SUGCT: variants seen among roughly 807,000 people sequenced by gnomAD.
The protein encoded by SUGCT is succinyl-CoA:glutarate CoA-transferase.
Under a neutral mutation model 55.0 loss-of-function variants are expected in SUGCT, and 41 were observed. The observed-to-expected ratio is 0.74, with a 90% CI of 0.58 to 0.97. The LOEUF is 0.97. SUGCT is among the 50% of genes least tolerant of loss of function. The pLI, the probability that SUGCT is intolerant of heterozygous loss-of-function variation, is 0.00. For synonymous variants in SUGCT, 187 were observed against 200.4 expected, an observed-to-expected ratio of 0.93 and a Z score of 0.56; for missense variants, 568 against 547.8, an observed-to-expected ratio of 1.04 and a Z score of -0.37.
At chr7:40,781,977 A>G (rs1157953403) in intron 13 of SUGCT, among the ~76,000 whole-genome samples, 1 of 152,132 alleles carries the variant, frequency 6.6e-6, no homozygotes, top group East Asian at 1.9e-4. Context: ...AAATATATCA[A>G]AATGTTAAAG....
At chr7:40,827,589 G>A (rs555715196) in intron 13 of SUGCT, among the ~76,000 whole-genome samples, 3 of 152,270 alleles carry the variant, frequency 2.0e-5, no homozygotes, top group Admixed American at 2.0e-4. Context: ...GTTAGACAAA[G>A]GAAGCTTGGC....
At chr7:40,668,404 A>G (rs993613501) in intron 12 of SUGCT, among the ~76,000 whole-genome samples, 1 of 152,148 alleles carries the variant, frequency 6.6e-6, no homozygotes, top group African/African-American at 2.4e-5. Flanking sequence ...TAACTGAAGT[A>G]TTTACCAAAA....
At chr7:40,826,505 G>T (rs1436544199) in intron 13 of SUGCT, among the ~76,000 whole-genome samples, 2 of 152,202 alleles carry the variant, frequency 1.3e-5, no homozygotes, top group African/African-American at 4.8e-5. Context: ...GGAGTAATCT[G>T]TGGAAGGTAT....
chr7:40,321,564 G>A (rs764182020), intron 9 of SUGCT, among the ~76,000 whole-genome samples: 61 of 151,420 alleles, frequency 4.0e-4, no homozygotes, highest in Admixed American at 5.3e-4. Flanking sequence ...TGTATTTTTA[G>A]TAGAGACGGG....
the SUGCT span, among the ~76,000 whole-genome samples, chr7:41,027,049 T>TA: frequency 1.3e-5 from 2 of 151,404 alleles, no homozygotes; most frequent in East Asian, 1.9e-4. Context: ...GTTTCATACT[T>TA]AAAAAAAAAG....
At chr7:40,502,990 T>C (rs1338486941) in intron 12 of SUGCT, among the ~76,000 whole-genome samples, 2 of 152,110 alleles carry the variant, frequency 1.3e-5, no homozygotes, top group African/African-American at 2.4e-5. Context: ...AAATTTGTAT[T>C]GGAAGGAAAA....
At chr7:40,618,142 C>A (rs1799099355) in intron 12 of SUGCT, among the ~76,000 whole-genome samples, 1 of 152,134 alleles carries the variant, frequency 6.6e-6, no homozygotes, top group Non-Finnish European at 1.5e-5. Context: ...TTTATTACTG[C>A]TATCTTTCTT....
intron 5 of SUGCT, 96 bp downstream of exon 5, chr7:40,189,690 T>C: frequency 1.9e-6 from 1 of 519,336 alleles, no homozygotes; most frequent in Middle Eastern, 3.2e-4. Flanking sequence ...ATTTTATGGG[T>C]GATCTGTACG....
intron 9 of SUGCT, among the ~76,000 whole-genome samples, chr7:40,335,882 G>T (rs1219069327): frequency 1.3e-5 from 2 of 152,098 alleles, no homozygotes; most frequent in Non-Finnish European, 2.9e-5. Flanking sequence ...TTGGCTGTGG[G>T]TTTGTCATAA....
intron 12 of SUGCT, among the ~76,000 whole-genome samples, chr7:40,536,716 C>A (rs979859317): frequency 2.6e-5 from 4 of 152,176 alleles, no homozygotes; most frequent in Non-Finnish European, 5.9e-5. Flanking sequence ...ACATATCAAT[C>A]ACTAGTTACC....
chr7:40,394,122 C>A (rs2151307658), intron 9 of SUGCT, among the ~76,000 whole-genome samples: 1 of 152,164 alleles, frequency 6.6e-6, no homozygotes, highest in African/African-American at 2.4e-5. Context: ...AGAATATTTT[C>A]TTTATAGCAG....
intron 9 of SUGCT, among the ~76,000 whole-genome samples, chr7:40,342,167 A>C (rs1797084205): frequency 6.6e-6 from 1 of 152,236 alleles, no homozygotes. Flanking sequence ...TCTCCAACTC[A>C]GCCAAAGGGA....
At chr7:40,265,165 T>C (rs949357090) in intron 7 of SUGCT, among the ~76,000 whole-genome samples, 63 of 152,330 alleles carry the variant, frequency 4.1e-4, no homozygotes, top group African/African-American at 1.4e-3. Context: ...TACATTTGTA[T>C]AACGAATGAC....
chr7:40,435,147 T>G (rs1165853111), intron 9 of SUGCT, among the ~76,000 whole-genome samples: 3 of 152,124 alleles, frequency 2.0e-5, no homozygotes, highest in Admixed American at 2.0e-4. Flanking sequence ...GTGGAAAGGG[T>G]ACAAAGGCTG....
chr7:40,783,777 G>A (rs1169902766), intron 13 of SUGCT, among the ~76,000 whole-genome samples: 2 of 152,034 alleles, frequency 1.3e-5, no homozygotes, highest in South Asian at 2.1e-4. Context: ...ATTTAGGCTG[G>A]GATCCTAGAT....
intron 12 of SUGCT, among the ~76,000 whole-genome samples, chr7:40,679,908 A>G (rs1338239337): frequency 1.3e-5 from 2 of 152,186 alleles, no homozygotes; most frequent in African/African-American, 4.8e-5. Flanking sequence ...AAAGCTACTT[A>G]CCATACTGCA....
chr7:40,754,275 T>G (rs1028241206), intron 13 of SUGCT, among the ~76,000 whole-genome samples: 8 of 152,238 alleles, frequency 5.3e-5, no homozygotes, highest in African/African-American at 1.9e-4. Flanking sequence ...TGCCAGACTC[T>G]AACATTCTGG....
At chr7:40,802,053 T>TC (rs1403164165) in intron 13 of SUGCT, among the ~76,000 whole-genome samples, 4 of 144,524 alleles carry the variant, frequency 2.8e-5, no homozygotes, top group Admixed American at 1.4e-4. Context: ...AAGAACAGAC[T>TC]CTTTTTTTTC....
chr7:40,815,258 C>G (rs1487711585), intron 13 of SUGCT, among the ~76,000 whole-genome samples: 1 of 152,260 alleles, frequency 6.6e-6, no homozygotes, highest in Non-Finnish European at 1.5e-5. Flanking sequence ...AGCACCAGTG[C>G]TGAGGGTGGG....
Sources: allele counts gnomAD v4.1 joint callset (sites outside exome capture counted in the v4.1 genomes callset), GRCh38; gene constraint gnomAD v4.1.1; transcripts MANE v1.5; gene names NCBI Gene and HGNC (gene_info 2026-07-23, HGNC 2026-07-21).